LAMA3: variants seen among roughly 807,000 people sequenced by gnomAD.
LAMA3 encodes the protein laminin subunit alpha 3.
In LAMA3, 281 loss-of-function variants were observed where a neutral mutation model predicts 402.0. The ratio of observed to expected loss-of-function variants is 0.70; its 90% CI spans 0.63 to 0.77. LAMA3 has a LOEUF of 0.77. LAMA3 is among the 30% of genes least tolerant of loss of function. LAMA3 has a pLI of 0.00. For synonymous variants in LAMA3, 1,431 were observed against 1,558.4 expected (o/e 0.92, Z 1.93); for missense variants, 3,840 against 4,215.5 (o/e 0.91, Z 2.47).
Position 23,916,614 on chromosome 18 carries a change from A to G in LAMA3, c.7842A>G (p.Gln2614=), listed in dbSNP as rs1470032773. 2.5e-6 allele frequency: 4 copies of G among 1,614,168 alleles called. No homozygotes were observed. The highest frequency in any genetic ancestry group is 1.1e-5 in the South Asian group (1 of 91,082). The stretch of plus-strand genomic sequence containing the variant: ...CGGGCTATGCTCGAGTTCCAACTCA[A>G]CCACATGCTCCCATCCCAACCTTTG... ...EGTGYARVPT[Q]PHAPIPTFGQ... is the part of the protein sequence containing the mutation. The change falls in exon 60 of 75, where the codon CAA becomes CAG. Residue 2614 remains glutamine (Q), a synonymous_variant. Transcript: ENST00000313654.
chr18:23,837,572 T>C (rs1252985638), intron 25 of LAMA3, among the ~76,000 whole-genome samples: 2 of 128,992 alleles, frequency 1.6e-5, no homozygotes, highest in Non-Finnish European at 1.6e-5. Context: ...GTTAATCAGA[T>C]ATATATATAT....
At chr18:23,862,589 G>T (rs1241204599) in intron 35 of LAMA3, among the ~76,000 whole-genome samples, 1 of 152,116 alleles carries the variant, frequency 6.6e-6, no homozygotes, top group African/African-American at 2.4e-5. Context: ...TCTGAGTGTG[G>T]GAAATGTTGC....
At chr18:23,871,259 C>T (rs1015367813) in intron 37 of LAMA3, among the ~76,000 whole-genome samples, 172 bp from the exon 38 acceptor site, 5 of 152,174 alleles carry the variant, frequency 3.3e-5, no homozygotes, top group Admixed American at 1.3e-4. Context: ...CCCAGGACAC[C>T]TGACTTCTAA....
Position 23,810,446 on chromosome 18 carries a change from A to G in LAMA3, c.1684A>G (p.Thr562Ala), listed in dbSNP as rs2063045841. The part of the protein sequence containing the change: ...TGQCECRPGV[T>A]GQRCDRCLSG... The stretch of plus-strand genomic sequence containing the variant: ...ACAGTGTGAATGTCGGCCAGGAGTT[A>G]CAGGACAGCGGTGTGACAGGTGTCT... The change falls in exon 13 of 75, where the codon ACA becomes GCA. Residue 562 changes from threonine to alanine, a missense_variant. Around this residue, in one of 3 missense-constraint regions of LAMA3, gnomAD observed 2,109 missense variants for 2,376.0 expected, o/e 0.89. Transcript: ENST00000313654. 6.2e-7 allele frequency: 1 copy of G among 1,614,136 alleles called. No individual in the cohort carries two copies. The highest frequency in any genetic ancestry group is 8.5e-7 in the Non-Finnish European group (1 of 1,180,018).
chr18:23,705,623 C>T (rs930615927), intron 1 of LAMA3, among the ~76,000 whole-genome samples: 1 of 152,128 alleles, frequency 6.6e-6, no homozygotes, highest in Non-Finnish European at 1.5e-5. Flanking sequence ...TTCCCAGGCT[C>T]AGGTAATCCT....
At chr18:23,870,278 G>A (rs1190309778) in intron 37 of LAMA3, among the ~76,000 whole-genome samples, 1 of 152,114 alleles carries the variant, frequency 6.6e-6, no homozygotes, top group Non-Finnish European at 1.5e-5. Context: ...ACTCCAGCCT[G>A]GGTGACAGAG....
At chr18:23,937,405 T>A (rs1395117319) in intron 67 of LAMA3, among the ~76,000 whole-genome samples, 3 of 143,168 alleles carry the variant, frequency 2.1e-5, no homozygotes, top group Non-Finnish European at 4.5e-5. Context: ...AAAAGAGGGC[T>A]GACTTTCAGG....
intron 2 of LAMA3, among the ~76,000 whole-genome samples, chr18:23,729,500 CA>C (rs2145992243): frequency 6.6e-6 from 1 of 152,142 alleles, no homozygotes; most frequent in East Asian, 1.9e-4. Context: ...TTAAATATTT[CA>C]AAAATAGATG....
At chr18:23,951,940 C>T (rs2082931496) in intron 73 of LAMA3, among the ~76,000 whole-genome samples, 163 bp downstream of exon 73, 1 of 152,216 alleles carries the variant, frequency 6.6e-6, no homozygotes, top group African/African-American at 2.4e-5. Context: ...ATGCTTCCGT[C>T]ACTCATGGTT....
intron 2 of LAMA3, among the ~76,000 whole-genome samples, chr18:23,721,869 A>G (rs1037323873): frequency 1.3e-5 from 2 of 152,192 alleles, no homozygotes; most frequent in African/African-American, 4.8e-5. Flanking sequence ...TGAGCTGAGA[A>G]AGATTAGAAA....
intron 19 of LAMA3, among the ~76,000 whole-genome samples, chr18:23,820,283 A>C (rs775035887): frequency 6.6e-5 from 10 of 152,196 alleles, no homozygotes; most frequent in Admixed American, 2.0e-4. Flanking sequence ...TTATCTCTGG[A>C]GACTTTTTAT....
intron 30 of LAMA3, 74 bp downstream of exon 30, chr18:23,845,198 G>A (rs2063787334): frequency 6.8e-6 from 6 of 879,468 alleles, no homozygotes; most frequent in African/African-American, 1.7e-5. Flanking sequence ...GAGGCCCAGG[G>A]AGGGGCTGGC....
At chr18:23,845,296 A>G (rs1008118478) in intron 30 of LAMA3, among the ~76,000 whole-genome samples, 172 bp downstream of exon 30, 1 of 152,188 alleles carries the variant, frequency 6.6e-6, no homozygotes, top group Admixed American at 6.5e-5. Context: ...CAACCCTCGC[A>G]TGACAGACTT....
intron 67 of LAMA3, among the ~76,000 whole-genome samples, chr18:23,934,981 G>A (rs1418394275): frequency 6.6e-6 from 1 of 152,218 alleles, no homozygotes; most frequent in Admixed American, 6.5e-5. Flanking sequence ...CAGAAGGGCT[G>A]TCATTTTCCC....
chr18:23,896,785 G>C (rs1485753102), intron 44 of LAMA3, among the ~76,000 whole-genome samples: 1 of 152,082 alleles, frequency 6.6e-6, no homozygotes, highest in Non-Finnish European at 1.5e-5. Flanking sequence ...ACGCCACTAT[G>C]GTATATAAAT....
Position 23,750,995 on chromosome 18 carries a change from G to A in LAMA3, c.762G>A (p.Lys254=), listed in dbSNP as rs756465010. 1.2e-5 allele frequency: 20 copies of A among 1,614,156 alleles called. No homozygotes were observed. The highest frequency in any genetic ancestry group is 1.6e-5 in the Non-Finnish European group (19 of 1,180,028). Reference sequence around the variant, plus strand: ...CTCACACCCTGAGGGAGTTTACCAAGGCAACAAACATCCGCTTGCGTTTTC... The same window carrying A: ...CTCACACCCTGAGGGAGTTTACCAAAGCAACAAACATCCGCTTGCGTTTTC... ...TFSHTLREFT[K]ATNIRLRFLR... Residue 254 remains lysine, a synonymous_variant, in exon 5 of 75, where the codon AAG becomes AAA. Transcript: ENST00000313654.
intron 50 of LAMA3, 134 bp downstream of exon 50, chr18:23,904,221 C>T: frequency 6.1e-6 from 6 of 987,914 alleles, no homozygotes; most frequent in Non-Finnish European, 9.5e-6. Flanking sequence ...GGGTCAAGGC[C>T]AATGCCCCAG....
At chr18:23,847,357 C>T (rs1329368417) in intron 31 of LAMA3, 107 bp from the exon 32 acceptor site, 7 of 1,175,658 alleles carry the variant, frequency 6.0e-6, no homozygotes, top group Non-Finnish European at 7.4e-6. Context: ...CCAAATATTT[C>T]TCTCTGACCC....
intron 22 of LAMA3, 84 bp downstream of exon 22, chr18:23,826,883 C>T: frequency 1.3e-6 from 1 of 789,274 alleles, no homozygotes; most frequent in Non-Finnish European, 2.2e-6. Context: ...TGAGGTGTCT[C>T]AGGATCACAA....
Sources: allele counts gnomAD v4.1 joint callset (sites outside exome capture counted in the v4.1 genomes callset), GRCh38; gene constraint gnomAD v4.1.1; regional missense constraint gnomAD v4.1.1; transcripts MANE v1.5; gene names NCBI Gene and HGNC (gene_info 2026-07-23, HGNC 2026-07-21).